Variants in DSCAM observed in about 807,000 individuals in gnomAD.
DSCAM encodes cell adhesion molecule DSCAM.
A neutral mutation model predicts 217.7 loss-of-function variants in DSCAM; 47 were observed. The ratio of observed to expected loss-of-function variants is 0.22; its 90% CI spans 0.17 to 0.28. The LOEUF is 0.28. Ranked by LOEUF, DSCAM falls within the 10% of genes least tolerant of loss-of-function variation. DSCAM has a pLI of 1.00. For synonymous variants in DSCAM, 1,056 were observed against 1,015.3 expected, an observed-to-expected ratio of 1.04 and a Z score of -0.76; for missense variants, 2,080 against 2,618.3, an observed-to-expected ratio of 0.79 and a Z score of 4.49.
chr21:40,807,821 T>C (rs2091801585), intron 1 of DSCAM, among the ~76,000 whole-genome samples: 1 of 152,144 alleles, frequency 6.6e-6, no homozygotes, highest in African/African-American at 2.4e-5. Flanking sequence ...TCCACCTTCT[T>C]CTCTTATCTG....
At chr21:40,199,764 G>A (rs1046863348) in intron 11 of DSCAM, among the ~76,000 whole-genome samples, 15 of 152,074 alleles carry the variant, frequency 9.9e-5, no homozygotes, top group African/African-American at 1.9e-4. Flanking sequence ...AACACGCACC[G>A]GGGCCTGTCG....
intron 3 of DSCAM, among the ~76,000 whole-genome samples, chr21:40,681,996 GT>G (rs925924650): frequency 6.6e-6 from 1 of 152,124 alleles, no homozygotes; most frequent in African/African-American, 2.4e-5. Flanking sequence ...TGCTGACGCT[GT>G]GACTTTGGAT....
chr21:40,741,732 A>T (rs1212569276), intron 1 of DSCAM, among the ~76,000 whole-genome samples: 1 of 152,234 alleles, frequency 6.6e-6, no homozygotes, highest in Non-Finnish European at 1.5e-5. Context: ...GATGAAATAA[A>T]TCAGAATGTC....
rs115379767 is a variant in DSCAM at position 40,363,074 on chromosome 21, C to T, written c.655+6025G>A. On this transcript the variant is annotated intron_variant, in intron 4 of 32. Transcript: ENST00000400454. ...TTTCCTGCCTCAGACCTTCAATCAGCCACTCCTCCAAGAAGCCATGGTCCC... is the reference window on the plus strand; with the variant it reads ...TTTCCTGCCTCAGACCTTCAATCAGTCACTCCTCCAAGAAGCCATGGTCCC... Among the ~76,000 whole-genome samples the T allele has an allele frequency of 2.6e-3, 398 of 152,136 alleles. 1 individual carries two copies. Among genetic ancestry groups the T allele is most frequent in the African/African-American group, 9.3e-3 (388 of 41,502 alleles).
Position 40,637,632 on chromosome 21 carries a change from A to AATATATAT in DSCAM, c.508+55170_508+55177dup, listed in dbSNP as rs72114529. ...ATATATATAAATATATACATATATA[A>AATATATAT]ATATATATAAATATATATCTATATA... On this transcript the variant is annotated intron_variant, in intron 3 of 32. Coordinates refer to ENST00000400454, the MANE Select transcript of DSCAM (RefSeq NM_001389.5). Among the ~76,000 whole-genome samples, 160 of 42,212 alleles carry AATATATAT rather than the reference A, an allele frequency of 3.8e-3. 6 individuals are homozygous for AATATATAT. Among genetic ancestry groups the AATATATAT allele is most frequent in the East Asian group, 0.017 (29 of 1,672 alleles). 27.7% of individuals were successfully genotyped at this position (42,212 alleles called of 152,430 possible).
intron 20 of DSCAM, among the ~76,000 whole-genome samples, chr21:40,122,725 G>A (rs1041173102): frequency 4.6e-5 from 7 of 152,088 alleles, no homozygotes; most frequent in Admixed American, 6.5e-5. Context: ...GACTATTTAC[G>A]TTTACATATT....
At chr21:40,310,513 T>C (rs1448975837) in intron 9 of DSCAM, among the ~76,000 whole-genome samples, 1 of 152,266 alleles carries the variant, frequency 6.6e-6, no homozygotes, top group Non-Finnish European at 1.5e-5. Flanking sequence ...CATGGAGACA[T>C]CAGTCATATC....
intron 3 of DSCAM, among the ~76,000 whole-genome samples, chr21:40,377,902 G>A (rs1569093899): frequency 6.6e-6 from 1 of 152,126 alleles, no homozygotes; most frequent in Non-Finnish European, 1.5e-5. Flanking sequence ...GTACAAAGGG[G>A]CAATATTGCC....
Position 40,526,143 on chromosome 21 carries a change from G to T in DSCAM, c.509-156898C>A, listed in dbSNP as rs550921237. On this transcript the variant is annotated intron_variant, in intron 3 of 32. Coordinates refer to ENST00000400454, the MANE Select transcript of DSCAM (RefSeq NM_001389.5). ...ATTCTTGTCTAGGATCTTGCTTCTC[G>T]GGGAGCCCAGCGTCAGAGGCTCCCA... 1.2e-4 allele frequency among the ~76,000 whole-genome samples: 19 copies of T among 152,222 alleles called. No individual in the cohort carries two copies. In the South Asian group the frequency reaches 1.7e-3, roughly 13 times the overall value.
intron 3 of DSCAM, among the ~76,000 whole-genome samples, chr21:40,659,466 C>G (rs564990439): frequency 2.0e-5 from 3 of 152,126 alleles, no homozygotes; most frequent in South Asian, 2.1e-4. Flanking sequence ...TGTTTATTAT[C>G]TATCTACTAT....
At chr21:40,099,632 G>A (rs1271977253) in intron 20 of DSCAM, among the ~76,000 whole-genome samples, 1 of 152,200 alleles carries the variant, frequency 6.6e-6, no homozygotes, top group African/African-American at 2.4e-5. Flanking sequence ...TATTAAAGTT[G>A]ACTCTTCCTG....
At chr21:40,306,070 A>G (rs2074071892) in intron 9 of DSCAM, among the ~76,000 whole-genome samples, 3 of 151,948 alleles carry the variant, frequency 2.0e-5, no homozygotes, top group Admixed American at 2.0e-4. Context: ...CTTCCTACCC[A>G]TGAGCATGGA....
At chr21:40,562,788 A>G (rs2076730605) in intron 3 of DSCAM, among the ~76,000 whole-genome samples, 1 of 152,128 alleles carries the variant, frequency 6.6e-6, no homozygotes, top group Non-Finnish European at 1.5e-5. Flanking sequence ...GTGGCCCTAA[A>G]AGGGAAAGAG....
chr21:40,311,766 C>T (rs35405192), intron 9 of DSCAM, among the ~76,000 whole-genome samples: 5,631 of 152,084 alleles, frequency 0.037, 144 homozygotes, highest in Middle Eastern at 0.082. Context: ...CAAAAGCTCA[C>T]GGACGTTAGT....
At chr21:40,122,099 C>A (rs1004990033) in intron 20 of DSCAM, among the ~76,000 whole-genome samples, 2 of 152,146 alleles carry the variant, frequency 1.3e-5, no homozygotes, top group Admixed American at 1.3e-4. Flanking sequence ...AAATGCGTTT[C>A]TACCCCATCT....
At chr21:40,820,248 G>A (rs567714073) in intron 1 of DSCAM, among the ~76,000 whole-genome samples, 2 of 152,114 alleles carry the variant, frequency 1.3e-5, no homozygotes, top group East Asian at 3.9e-4. Context: ...AAGAAAATGT[G>A]GCACAGATAT....
intron 3 of DSCAM, among the ~76,000 whole-genome samples, chr21:40,483,238 T>C (rs1308163193): frequency 1.3e-5 from 2 of 152,228 alleles, no homozygotes; most frequent in Admixed American, 1.3e-4. Flanking sequence ...CAAATATCTA[T>C]TTTAAAATTT....
intron 8 of DSCAM, among the ~76,000 whole-genome samples, chr21:40,322,014 C>G (rs1399154830): frequency 6.6e-6 from 1 of 152,178 alleles, no homozygotes; most frequent in Non-Finnish European, 1.5e-5. Flanking sequence ...TTTGGCTCCT[C>G]AAGACTTCTC....
At chr21:40,344,503 CTGT>C (rs1463196320) in intron 6 of DSCAM, among the ~76,000 whole-genome samples, 1 of 152,000 alleles carries the variant, frequency 6.6e-6, no homozygotes, top group Non-Finnish European at 1.5e-5. Context: ...TTTTTAAAGC[CTGT>C]TGTTGTTGGG....
Sources: allele counts gnomAD v4.1 joint callset (sites outside exome capture counted in the v4.1 genomes callset), GRCh38; gene constraint gnomAD v4.1.1; transcripts MANE v1.5; gene names NCBI Gene and HGNC (gene_info 2026-07-23, HGNC 2026-07-21).